LONRF1: variants seen among roughly 807,000 people sequenced by gnomAD.
The protein encoded by LONRF1 is LON peptidase N-terminal domain and ring finger 1, also known as LON peptidase N-terminal domain and RING finger protein 1.
A neutral mutation model predicts 85.8 loss-of-function variants in LONRF1; 37 were observed. The ratio of observed to expected loss-of-function variants is 0.43; its 90% CI spans 0.33 to 0.57. The LOEUF is 0.57. Ranked by LOEUF, LONRF1 falls within the 20% of genes least tolerant of loss-of-function variation. LONRF1 has a pLI of 0.04. For missense variants in LONRF1, 1,036 were observed against 978.0 expected, an observed-to-expected ratio of 1.06 and a Z score of -0.79; for synonymous variants, 517 against 390.1, an observed-to-expected ratio of 1.33 and a Z score of -3.83.
At chr8:12,744,259 A>G (rs1036663735) in intron 1 of LONRF1, among the ~76,000 whole-genome samples, 2 of 152,126 alleles carry the variant, frequency 1.3e-5, no homozygotes, top group African/African-American at 4.8e-5. Flanking sequence ...TTCTATTCAA[A>G]ACTCTCACTT....
At chr8:12,748,764 T>C (rs1203203094) in intron 1 of LONRF1, among the ~76,000 whole-genome samples, 2 of 152,130 alleles carry the variant, frequency 1.3e-5, no homozygotes, top group Admixed American at 6.6e-5. Flanking sequence ...CTGAGATTTA[T>C]ATATCAAGCT....
chr8:12,742,155 T>A (rs1363074399), intron 2 of LONRF1, among the ~76,000 whole-genome samples: 1 of 152,138 alleles, frequency 6.6e-6, no homozygotes, highest in East Asian at 1.9e-4. Context: ...CACTGACCAC[T>A]GCCCTCTTAT....
chr8:12,739,995 C>T (rs566092973), intron 3 of LONRF1, among the ~76,000 whole-genome samples: 3 of 152,252 alleles, frequency 2.0e-5, no homozygotes, highest in African/African-American at 7.2e-5. Flanking sequence ...ACAAAAACAT[C>T]TCCTGGGATG....
At chr8:12,728,781 A>G (rs1466951966) in intron 10 of LONRF1, 120 bp downstream of exon 10, 1 of 1,093,036 alleles carries the variant, frequency 9.1e-7, no homozygotes, top group African/African-American at 1.6e-5. Context: ...CATTCTCATC[A>G]CAGTGGTAAG....
At chr8:12,740,471 A>T (rs1798888249) in intron 3 of LONRF1, among the ~76,000 whole-genome samples, 1 of 152,180 alleles carries the variant, frequency 6.6e-6, no homozygotes, top group South Asian at 2.1e-4. Context: ...GAAAAAACTA[A>T]GGCAAAACAA....
chr8:12,742,933 C>T (rs144920682), intron 2 of LONRF1, among the ~76,000 whole-genome samples: 1 of 152,072 alleles, frequency 6.6e-6, no homozygotes, highest in Non-Finnish European at 1.5e-5. Flanking sequence ...AACATGTTGC[C>T]CAAGCTGGTC....
chr8:12,739,696 C>G (rs1273907410), intron 3 of LONRF1, among the ~76,000 whole-genome samples: 1 of 152,128 alleles, frequency 6.6e-6, no homozygotes, highest in Non-Finnish European at 1.5e-5. Flanking sequence ...TTGCATCTAC[C>G]TGATCCTATT....
intron 1 of LONRF1, among the ~76,000 whole-genome samples, chr8:12,750,522 C>G (rs1427978876): frequency 6.6e-6 from 1 of 152,194 alleles, no homozygotes; most frequent in East Asian, 1.9e-4. Context: ...TGAAAGTGGT[C>G]TCTCAAAATA....
chr8:12,743,567 C>CT (rs926516341), intron 1 of LONRF1, among the ~76,000 whole-genome samples: 16 of 151,256 alleles, frequency 1.1e-4, no homozygotes, highest in Non-Finnish European at 1.6e-4. Flanking sequence ...CCTAAGAAAA[C>CT]TTTTTTTTTA....
intron 1 of LONRF1, among the ~76,000 whole-genome samples, chr8:12,749,199 A>T (rs1799281946): frequency 6.6e-6 from 1 of 152,206 alleles, no homozygotes; most frequent in African/African-American, 2.4e-5. Context: ...TTAACCCTTG[A>T]TACAAGATAC....
rs1799585184 is a variant in LONRF1 at position 12,755,074 on chromosome 8, C to T, written c.347G>A (p.Gly116Asp). The change falls in exon 1 of 12, where the codon GGC (glycine) becomes GAC (aspartate). Residue 116 changes from glycine to aspartate, a missense_variant. Transcript: ENST00000398246. ...SAAPVAGADG[G>D]AGGLLRCLGC... The stretch of plus-strand genomic sequence containing the variant: ...CAGGCATCTGAGGAGCCCGCCGGCG[C>T]CGCCGTCAGCGCCTGCAACCGGGGC... 1 of 1,473,166 alleles carries T rather than the reference C, an allele frequency of 6.8e-7. No individual in the cohort carries two copies. Among genetic ancestry groups the T allele is most frequent in the Admixed American group, 2.3e-5 (1 of 43,300 alleles). 91.3% of individuals were successfully genotyped at this position (1,473,166 alleles called of 1,614,324 possible).
chr8:12,732,803 G>A (rs1056705845), intron 7 of LONRF1, among the ~76,000 whole-genome samples: 1 of 152,144 alleles, frequency 6.6e-6, no homozygotes, highest in African/African-American at 2.4e-5. Context: ...CCAGGGACAT[G>A]GTCAGGGTGT....
chr8:12,728,904 A>T lies in LONRF1; in HGVS notation c.2007T>A (p.Val669=). The change falls in exon 10 of 12, where the codon GTT becomes GTA. Residue 669 remains valine (V), a synonymous_variant. Transcript: ENST00000398246. ...GGCAAAGCACATTTTAAAATACCTT[A>T]ACATCTTCCAGATATTCAATGTCGG... ...CTADIEYLED[V]KVENEDEIKN... The T allele has an allele frequency of 6.2e-7, 1 of 1,613,832 alleles. No homozygotes were observed. Among genetic ancestry groups the T allele is most frequent in the Non-Finnish European group, 8.5e-7 (1 of 1,179,766 alleles).
Position 12,740,893 on chromosome 8 carries a change from G to C in LONRF1, c.944C>G (p.Ala315Gly). Residue 315 changes from alanine (A) to glycine (G), a missense_variant, in exon 3 of 12, where the codon GCA becomes GGA. Physicochemically the swap from Ala to Gly is moderately conservative, Grantham distance 60. Around this residue, in one of 3 missense-constraint regions of LONRF1, gnomAD observed 742 missense variants for 614.4 expected, o/e 1.21. Coordinates refer to ENST00000398246, the MANE Select transcript of LONRF1 (RefSeq NM_152271.5). The part of the protein sequence containing the change: ...CLALDEDFAP[A>G]KLQVQKILCD... ...GATTACCTTTTGTACTTGCAGCTTT[G>C]CAGGTGCAAAATCTTCATCAAGGGC... The C allele has an allele frequency of 6.2e-7, 1 of 1,613,020 alleles. No homozygotes were observed.
At chr8:12,738,653 T>A (rs1798814205) in intron 3 of LONRF1, 1 of 152,216 alleles carries the variant, frequency 6.6e-6, no homozygotes, top group Non-Finnish European at 1.5e-5. Flanking sequence ...CAGTTACTGC[T>A]GCCCAATACT....
chr8:12,751,296 G>GTTTTTTTT (rs869038024), intron 1 of LONRF1, among the ~76,000 whole-genome samples: 28 of 69,532 alleles, frequency 4.0e-4, no homozygotes, highest in Non-Finnish European at 4.5e-4. Flanking sequence ...TTATTTTTAT[G>GTTTTTTTT]TTTTTTTTTT....
At chr8:12,734,528 C>T (rs1798646673) in intron 7 of LONRF1, among the ~76,000 whole-genome samples, 1 of 152,172 alleles carries the variant, frequency 6.6e-6, no homozygotes, top group Non-Finnish European at 1.5e-5. Flanking sequence ...AGGTGATCTG[C>T]AGTCACTCAA....
chr8:12,735,425 A>G (rs775951437), intron 6 of LONRF1, 25 bp from the exon 7 acceptor site: 80 of 1,414,734 alleles, frequency 5.7e-5, no homozygotes, highest in Non-Finnish European at 7.5e-5. Context: ...GATACATGTT[A>G]GTTTTCACAT....
chr8:12,724,699 T>A (rs1357427702), intron 11 of LONRF1, among the ~76,000 whole-genome samples: 1 of 152,190 alleles, frequency 6.6e-6, no homozygotes, highest in Admixed American at 6.5e-5. Context: ...TATAAGCTGT[T>A]TTGTTATTTA....
Sources: gnomAD v4.1 joint callset for allele counts (sites outside exome capture counted in the v4.1 genomes callset) on GRCh38, gnomAD v4.1.1 for gene constraint, gnomAD v4.1.1 regional missense constraint, MANE v1.5 for transcripts, NCBI Gene and HGNC (gene_info 2026-07-23, HGNC 2026-07-21) for gene names.